Variants in NR2F1-AS1 observed in about 807,000 individuals in gnomAD.
The protein encoded by NR2F1-AS1 is NR2F1 antisense RNA 1.
chr5:93,442,962 G>A (rs1418445299), intron 4 of NR2F1-AS1, among the ~76,000 whole-genome samples: 1 of 152,214 alleles, frequency 6.6e-6, no homozygotes, highest in Non-Finnish European at 1.5e-5. Context: ...AACTCCAACA[G>A]ACCTGCAGCT....
chr5:93,581,997 C>T (rs1331162988), upstream of NR2F1-AS1, among the ~76,000 whole-genome samples: 5 of 110,716 alleles, frequency 4.5e-5, no homozygotes, highest in Non-Finnish European at 8.9e-5. Context: ...TCTCCCCTCT[C>T]CTCTCTTCTC....
At chr5:93,563,718 G>A (rs1205154035) in intron 1 of NR2F1-AS1, among the ~76,000 whole-genome samples, 4 of 151,980 alleles carry the variant, frequency 2.6e-5, no homozygotes, top group Admixed American at 6.5e-5. Context: ...AATATACCAC[G>A]GAAATTTTCC....
rs903197047 is a variant in NR2F1-AS1, at chr5:93,497,579, T to C, written n.638+56182A>G. On this transcript the variant is annotated intron_variant and non_coding_transcript_variant, in intron 4 of 5. Transcript: ENST00000660523. Reference sequence around the variant, plus strand: ...GTGACAACTACAGGACCTGGAATTATCTCGTTGAACCCTGTTTTTTCTTAT... The same window carrying C: ...GTGACAACTACAGGACCTGGAATTACCTCGTTGAACCCTGTTTTTTCTTAT... Among the ~76,000 whole-genome samples, 13 of 152,336 alleles carry C rather than the reference T, an allele frequency of 8.5e-5. No individual in the cohort carries two copies. In the South Asian group the frequency reaches 1.0e-3, roughly 12 times the overall value.
chr5:93,423,459 A>C (rs1460968447), intron 4 of NR2F1-AS1, among the ~76,000 whole-genome samples: 1 of 151,898 alleles, frequency 6.6e-6, no homozygotes. Context: ...CACACGTGGA[A>C]TGGCCATAAA....
intron 4 of NR2F1-AS1, among the ~76,000 whole-genome samples, chr5:93,454,047 C>T (rs1256931196): frequency 6.6e-6 from 1 of 152,134 alleles, no homozygotes; most frequent in Admixed American, 6.5e-5. Context: ...GAGGTCGAGG[C>T]AGGATTGCTT....
chr5:93,439,064 A>G (rs1749502400), intron 4 of NR2F1-AS1, among the ~76,000 whole-genome samples: 2 of 152,338 alleles, frequency 1.3e-5, no homozygotes, highest in Non-Finnish European at 2.9e-5. Flanking sequence ...AAAGCAGGGA[A>G]AAAAGATTTG....
chr5:93,585,084 G>A (rs1334632065), upstream of NR2F1-AS1: 1 of 1,021,186 alleles, frequency 9.8e-7, no homozygotes. Context: ...GGGCAACCCC[G>A]GCGGCCCCAA....
chr5:93,511,331 G>C (rs1444629928), intron 4 of NR2F1-AS1, among the ~76,000 whole-genome samples: 1 of 152,154 alleles, frequency 6.6e-6, no homozygotes, highest in East Asian at 1.9e-4. Context: ...TTCTCCTGCT[G>C]CTGGACTGGG....
intron 4 of NR2F1-AS1, among the ~76,000 whole-genome samples, chr5:93,537,625 G>A (rs6879816): frequency 0.13 from 19,171 of 152,108 alleles, 1,517 homozygotes; most frequent in African/African-American, 0.22. Context: ...ACTTCAGTTA[G>A]AATGACTATT....
intron 4 of NR2F1-AS1, among the ~76,000 whole-genome samples, chr5:93,440,175 C>T (rs10057092): frequency 0.034 from 5,219 of 151,976 alleles, 292 homozygotes; most frequent in African/African-American, 0.12. Flanking sequence ...CTCTTTCTCT[C>T]GCTCGCTCTC....
At chr5:93,521,563 G>C (rs528222746) in intron 4 of NR2F1-AS1, among the ~76,000 whole-genome samples, 1 of 152,228 alleles carries the variant, frequency 6.6e-6, no homozygotes, top group African/African-American at 2.4e-5. Context: ...GACATGAACA[G>C]ACGCTTTTCA....
chr5:93,532,466 T>A (rs1158335339), intron 4 of NR2F1-AS1, among the ~76,000 whole-genome samples: 1 of 152,044 alleles, frequency 6.6e-6, no homozygotes, highest in Non-Finnish European at 1.5e-5. Flanking sequence ...CTCTCAGTAG[T>A]CTGTTGGCAG....
At chr5:93,562,183 C>CAAAAA (rs750644394) in intron 2 of NR2F1-AS1, among the ~76,000 whole-genome samples, 72 of 48,644 alleles carry the variant, frequency 1.5e-3, no homozygotes, top group Middle Eastern at 9.8e-3. Flanking sequence ...CCCATCTCTA[C>CAAAAA]AAAAAAAAAA....
intron 4 of NR2F1-AS1, among the ~76,000 whole-genome samples, chr5:93,529,984 GA>G (rs1232276753): frequency 4.0e-5 from 6 of 149,966 alleles, no homozygotes; most frequent in Admixed American, 3.3e-4. Flanking sequence ...ATAAATCACA[GA>G]AGTCATAAAA....
At position 93,579,737 on chromosome 5, in the gene NR2F1-AS1, G is replaced by A. The variant is rs934054440; in HGVS notation, n.313+730C>T. Among the ~76,000 whole-genome samples the A allele has an allele frequency of 6.6e-6, 1 of 151,438 alleles. No individual in the cohort carries two copies. The highest frequency in any genetic ancestry group is 1.5e-5 in the Non-Finnish European group (1 of 67,832). On this transcript the variant is annotated intron_variant and non_coding_transcript_variant, in intron 1 of 5. Transcript: ENST00000660523. The surrounding 1 kb of genome is among the most constrained non-coding windows in gnomAD (Gnocchi z 5.1). ...CTCTTCCTTTCAACACACCCCCTCT[G>A]TCCCCACCCCTGGGAGGCGACCCCC...
At chr5:93,447,694 C>G (rs1749744919) in intron 4 of NR2F1-AS1, among the ~76,000 whole-genome samples, 2 of 152,176 alleles carry the variant, frequency 1.3e-5, no homozygotes, top group Admixed American at 1.3e-4. Flanking sequence ...ACCCAGCCAT[C>G]CCATTAATGG....
At chr5:93,500,266 C>T (rs6866771) in intron 4 of NR2F1-AS1, among the ~76,000 whole-genome samples, 26,215 of 152,158 alleles carry the variant, frequency 0.17, 3,517 homozygotes, top group African/African-American at 0.38. Context: ...CTGACTCTTG[C>T]TAGGGGCTAA....
At chr5:93,487,427 A>C (rs1299059936) in intron 4 of NR2F1-AS1, among the ~76,000 whole-genome samples, 1 of 152,166 alleles carries the variant, frequency 6.6e-6, no homozygotes, top group Non-Finnish European at 1.5e-5. Context: ...ATGTGCAAAA[A>C]TCACAAGCAT....
chr5:93,442,822 G>A (rs533115503), intron 4 of NR2F1-AS1, among the ~76,000 whole-genome samples: 13 of 152,330 alleles, frequency 8.5e-5, no homozygotes, highest in African/African-American at 3.1e-4. Context: ...CATACAGCCA[G>A]ATGCCCCTCT....
Sources: allele counts gnomAD v4.1 joint callset (sites outside exome capture counted in the v4.1 genomes callset), GRCh38; gene constraint gnomAD v4.1.1; non-coding constraint Gnocchi (gnomAD v3.1); transcripts MANE v1.5; gene names NCBI Gene and HGNC (gene_info 2026-07-23, HGNC 2026-07-21).